STPG2: variants seen among roughly 807,000 people sequenced by gnomAD.
The protein encoded by STPG2 is sperm-tail PG-rich repeat-containing protein 2.
Under a neutral mutation model 54.2 loss-of-function variants are expected in STPG2, and 56 were observed. That is an observed-to-expected ratio of 1.03 (90% CI 0.83 to 1.29). The LOEUF is 1.29. STPG2 is among the 50% of genes most tolerant of loss of function. The probability of loss-of-function intolerance (pLI) is 0.00; values close to 1 mark genes in which losing one functional copy is unlikely to be tolerated. For missense variants in STPG2, 596 were observed against 544.9 expected (o/e 1.09, Z -0.93); for synonymous variants, 200 against 181.8 (o/e 1.10, Z -0.81).
At chr4:97,658,614 C>T (rs1404995469) in intron 10 of STPG2, among the ~76,000 whole-genome samples, 2 of 152,162 alleles carry the variant, frequency 1.3e-5, no homozygotes, top group African/African-American at 4.8e-5. Context: ...GCAGTAGTCA[C>T]ATTTCCTGCA....
At chr4:98,021,235 T>C (rs1282291628) in intron 5 of STPG2, among the ~76,000 whole-genome samples, 6 of 123,466 alleles carry the variant, frequency 4.9e-5, no homozygotes, top group African/African-American at 1.9e-4. Flanking sequence ...TTCTCATTGA[T>C]TTCAAAGAAC....
chr4:97,783,941 A>T (rs550923325), intron 9 of STPG2, among the ~76,000 whole-genome samples: 70 of 152,170 alleles, frequency 4.6e-4, no homozygotes, highest in African/African-American at 1.6e-3. Flanking sequence ...GAGGGGAGGG[A>T]AAGCATTAGG....
intron 5 of STPG2, among the ~76,000 whole-genome samples, chr4:98,034,470 C>T (rs1736705632): frequency 6.6e-6 from 1 of 152,160 alleles, no homozygotes; most frequent in Non-Finnish European, 1.5e-5. Context: ...AATGGAAGAA[C>T]ATTCCATGCT....
chr4:97,477,709 C>T (rs1002664635), intron 4 of STPG2, among the ~76,000 whole-genome samples: 1 of 151,288 alleles, frequency 6.6e-6, no homozygotes, highest in African/African-American at 2.4e-5. Context: ...CCACGATGGT[C>T]TCAATCTCCT....
intron 8 of STPG2, among the ~76,000 whole-genome samples, chr4:97,910,231 T>C (rs139339605): frequency 1.0e-3 from 152 of 152,254 alleles, no homozygotes; most frequent in Middle Eastern, 3.4e-3. Flanking sequence ...AGCCATGTCA[T>C]CGAACTCATC....
At chr4:97,637,029 G>A (rs1346097929) in intron 10 of STPG2, among the ~76,000 whole-genome samples, 1 of 152,140 alleles carries the variant, frequency 6.6e-6, no homozygotes, top group Non-Finnish European at 1.5e-5. Context: ...GCCGGGCAGA[G>A]ACAAAACCAA....
At chr4:98,133,559 GA>G (rs1325166249) in intron 2 of STPG2, among the ~76,000 whole-genome samples, 2 of 151,930 alleles carry the variant, frequency 1.3e-5, no homozygotes, top group African/African-American at 4.8e-5. Context: ...TATGTTTAAA[GA>G]ATAGATGTAT....
intron 8 of STPG2, among the ~76,000 whole-genome samples, chr4:97,939,725 G>C (rs1732903193): frequency 6.6e-6 from 1 of 152,158 alleles, no homozygotes; most frequent in African/African-American, 2.4e-5. Flanking sequence ...CTTGAAAACA[G>C]CATACAATTG....
intron 4 of STPG2, among the ~76,000 whole-genome samples, chr4:97,470,008 A>G (rs1032248899): frequency 2.0e-5 from 3 of 152,160 alleles, no homozygotes; most frequent in Admixed American, 6.6e-5. Flanking sequence ...AGAAATTTAC[A>G]TGAGTAAAAA....
intron 4 of STPG2, among the ~76,000 whole-genome samples, chr4:97,452,108 A>C (rs1401567681): frequency 4.3e-5 from 1 of 23,016 alleles, no homozygotes; most frequent in African/African-American, 2.3e-4. Context: ...AGCAGGCAGG[A>C]GCCCCGCCCC....
chr4:97,619,068 G>C (rs944326204), intron 10 of STPG2, among the ~76,000 whole-genome samples: 1 of 152,074 alleles, frequency 6.6e-6, no homozygotes, highest in South Asian at 2.1e-4. Context: ...GATTACAGAT[G>C]CTCCTTCTCA....
intron 9 of STPG2, among the ~76,000 whole-genome samples, chr4:97,740,404 A>G (rs1012039210): frequency 7.0e-4 from 106 of 152,260 alleles, no homozygotes; most frequent in Middle Eastern, 6.8e-3. Flanking sequence ...TTCAATTAGG[A>G]AAAGAGGAAG....
chr4:97,793,643 A>C (rs1727078124), intron 9 of STPG2, among the ~76,000 whole-genome samples: 1 of 151,938 alleles, frequency 6.6e-6, no homozygotes, highest in Admixed American at 6.6e-5. Flanking sequence ...ACAATAAATG[A>C]AGAAAATAAT....
chr4:97,531,153 A>G (rs1378139460), intron 4 of STPG2, among the ~76,000 whole-genome samples: 1 of 152,172 alleles, frequency 6.6e-6, no homozygotes, highest in African/African-American at 2.4e-5. Context: ...AACTAAAATG[A>G]TATATCATCT....
At chr4:97,779,451 C>A (rs1214031867) in intron 9 of STPG2, among the ~76,000 whole-genome samples, 1 of 150,050 alleles carries the variant, frequency 6.7e-6, no homozygotes, top group Non-Finnish European at 1.5e-5. Flanking sequence ...AAATCTATAT[C>A]TGATCGGTGT....
intron 4 of STPG2, among the ~76,000 whole-genome samples, chr4:97,455,719 C>T (rs1729499385): frequency 6.6e-6 from 1 of 152,190 alleles, no homozygotes; most frequent in Admixed American, 6.5e-5. Context: ...GCCCTCTGTC[C>T]TTGCAATGAG....
At chr4:97,969,765 C>T (rs1043463538) in intron 7 of STPG2, among the ~76,000 whole-genome samples, 1 of 152,108 alleles carries the variant, frequency 6.6e-6, no homozygotes, top group Non-Finnish European at 1.5e-5. Context: ...ACAGGGATGC[C>T]CTCTCTCACC....
intron 9 of STPG2, among the ~76,000 whole-genome samples, chr4:97,839,647 A>G (rs1728738937): frequency 6.6e-6 from 1 of 151,566 alleles, no homozygotes; most frequent in African/African-American, 2.4e-5. Context: ...AAACCTCACA[A>G]AATCAACATG....
chr4:98,049,172 ATTAG>A (rs1310542453), intron 5 of STPG2: 1 of 152,228 alleles, frequency 6.6e-6, no homozygotes, highest in Non-Finnish European at 1.5e-5. Context: ...CAAAATTATA[ATTAG>A]TTAAATAATG....
Sources: gnomAD v4.1 joint callset for allele counts (sites outside exome capture counted in the v4.1 genomes callset) on GRCh38, gnomAD v4.1.1 for gene constraint, MANE v1.5 for transcripts, NCBI Gene and HGNC (gene_info 2026-07-23, HGNC 2026-07-21) for gene names.